The following MAGT1 variants were observed in gnomAD, a reference collection of about 807,000 sequenced individuals.
The protein encoded by MAGT1 is dolichyl-diphosphooligosaccharide--protein glycosyltransferase subunit MAGT1.
Under a neutral mutation model 28.4 loss-of-function variants are expected in MAGT1, and 4 were observed. The ratio of observed to expected loss-of-function variants is 0.14; its 90% CI spans 0.07 to 0.32. MAGT1 has a LOEUF of 0.32. MAGT1 is among the 10% of genes least tolerant of loss of function. The probability of loss-of-function intolerance (pLI) is 1.00; values close to 1 mark genes in which losing one functional copy is unlikely to be tolerated. For synonymous variants in MAGT1, 89 were observed against 89.7 expected (o/e 0.99, Z 0.04); for missense variants, 193 against 264.5 (o/e 0.73, Z 1.88).
At chrX:77,830,966 TCTTTTTTTA>T (rs2076896199) in intron 8 of MAGT1, 71 bp from the exon 9 acceptor site, 1 of 329,092 alleles carries the variant, frequency 3.0e-6, no homozygotes, top group Admixed American at 5.7e-5. Context: ...GTCTATACTT[TCTTTTTTTA>T]TTTTATTTTA....
chrX:77,829,901 A>G (rs782607886), intron 9 of MAGT1, among the ~76,000 whole-genome samples: 2 of 112,832 alleles, frequency 1.8e-5, no homozygotes, highest in Admixed American at 9.4e-5. Context: ...ATGTATTTCT[A>G]GAATACATAT....
chrX:77,895,440 CTT>C (rs782474570), upstream of MAGT1: 251 of 1,204,130 alleles, frequency 2.1e-4, no homozygotes, highest in Non-Finnish European at 2.3e-4. Context: ...ATAAGTGAAA[CTT>C]TGCTCCGGCT....
At chrX:77,846,513 T>G (rs2076951976) in intron 7 of MAGT1, among the ~76,000 whole-genome samples, 1 of 112,074 alleles carries the variant, frequency 8.9e-6, no homozygotes, top group African/African-American at 3.2e-5. Context: ...GGCACTCTGA[T>G]TTTTAGAATT....
chrX:77,866,113 C>T (rs868918941), intron 3 of MAGT1, among the ~76,000 whole-genome samples: 1 of 63,819 alleles, frequency 1.6e-5, no homozygotes, highest in African/African-American at 3.6e-5. Context: ...ATCACGCCAC[C>T]GCACTCCAGC....
At chrX:77,839,510 A>T (rs868910588) in intron 8 of MAGT1, among the ~76,000 whole-genome samples, 2 of 80,365 alleles carry the variant, frequency 2.5e-5, no homozygotes, top group Non-Finnish European at 4.8e-5. Flanking sequence ...CGCCTGGCTA[A>T]TTTTTTTTTT....
At chrX:77,830,747 A>T in intron 9 of MAGT1, 58 bp downstream of exon 9, 1 of 620,371 alleles carries the variant, frequency 1.6e-6, no homozygotes, top group Non-Finnish European at 2.5e-6. Flanking sequence ...AAGCAATATC[A>T]ACTCTAATCA....
intron 8 of MAGT1, among the ~76,000 whole-genome samples, chrX:77,835,278 T>C (rs1440895065): frequency 9.0e-6 from 1 of 110,847 alleles, no homozygotes; most frequent in African/African-American, 3.3e-5. Context: ...TCAATAGACG[T>C]TTCTCAAAAG....
chrX:77,846,947 C>T (rs982750300), intron 7 of MAGT1, among the ~76,000 whole-genome samples: 28 of 112,040 alleles, frequency 2.5e-4, no homozygotes, highest in African/African-American at 8.7e-4. Context: ...AGAACCACTA[C>T]TCTCTTCAAA....
intron 7 of MAGT1, among the ~76,000 whole-genome samples, chrX:77,851,381 GT>G (rs1322775716): frequency 5.2e-5 from 5 of 96,232 alleles, no homozygotes; most frequent in African/African-American, 1.1e-4. Flanking sequence ...ATGCCTGGCT[GT>G]TTTTTTTTTG....
At chrX:77,831,603 T>A (rs1264463800) in intron 8 of MAGT1, among the ~76,000 whole-genome samples, 2 of 108,156 alleles carry the variant, frequency 1.8e-5, no homozygotes, top group Non-Finnish European at 3.8e-5. Flanking sequence ...TCTTTTTTTT[T>A]TTTTTTTGAG....
intron 1 of MAGT1, among the ~76,000 whole-genome samples, chrX:77,877,715 A>G (rs1475484726): frequency 2.8e-5 from 3 of 107,769 alleles, no homozygotes; most frequent in Non-Finnish European, 5.7e-5. Flanking sequence ...CGGGAGGCTG[A>G]GGCAGGAGAA....
At chrX:77,886,823 T>C (rs1321822327) in intron 1 of MAGT1, among the ~76,000 whole-genome samples, 3 of 111,761 alleles carry the variant, frequency 2.7e-5, no homozygotes, top group Admixed American at 1.9e-4. Flanking sequence ...CTGATTCTTA[T>C]GGGTTAGGAC....
chrX:77,893,449 A>C (rs781964878), intron 1 of MAGT1, among the ~76,000 whole-genome samples: 1 of 112,002 alleles, frequency 8.9e-6, no homozygotes, highest in South Asian at 3.7e-4. Flanking sequence ...ACCATTTTAA[A>C]GTATACAATT....
At chrX:77,892,813 A>AAT (rs2077087184) in intron 1 of MAGT1, among the ~76,000 whole-genome samples, 1 of 111,064 alleles carries the variant, frequency 9.0e-6, no homozygotes, top group Non-Finnish European at 1.9e-5. Context: ...AATTTTTTTA[A>AAT]ATATATATAT....
chrX:77,855,510 C>G lies in MAGT1; in HGVS notation c.753G>C (p.Thr251=). Residue 251 remains threonine, a synonymous_variant, in exon 6 of 10, where the codon ACG becomes ACC. Coordinates refer to ENST00000618282, the MANE Select transcript of MAGT1 (RefSeq NM_001367916.1). The part of the protein sequence containing the change: ...GPPYAHKNPH[T]GHVNYIHGSS... ...CCCAGACTTCCCTTACCACATGTCC[C>G]GTGTGGGGATTCTTATGGGCATATG... The G allele has an allele frequency of 8.3e-7, 1 of 1,199,737 alleles. No homozygotes were observed. Among genetic ancestry groups the G allele is most frequent in the Non-Finnish European group, 1.1e-6 (1 of 885,204 alleles).
At chrX:77,886,580 C>A (rs1215111859) in intron 1 of MAGT1, among the ~76,000 whole-genome samples, 1 of 110,794 alleles carries the variant, frequency 9.0e-6, no homozygotes, top group Non-Finnish European at 1.9e-5. Flanking sequence ...AAATTTGAGG[C>A]TGTAGTGCAC....
intron 1 of MAGT1, among the ~76,000 whole-genome samples, chrX:77,886,951 C>T (rs1205109832): frequency 8.9e-6 from 1 of 112,022 alleles, no homozygotes; most frequent in African/African-American, 3.2e-5. Flanking sequence ...ACCCGTGATC[C>T]TCCTGGAACG....
At chrX:77,830,963 CTTTCTTTTT>C in intron 8 of MAGT1, 68 bp from the exon 9 acceptor site, 2 of 363,478 alleles carry the variant, frequency 5.5e-6, no homozygotes, top group Non-Finnish European at 4.5e-6. Context: ...GCAGTCTATA[CTTTCTTTTT>C]TTATTTTATT....
At position 77,856,849 on chromosome X, in the gene MAGT1, A is replaced by C; in HGVS notation, c.556T>G (p.Tyr186Asp). Residue 186 changes from tyrosine to aspartate, a missense_variant, in exon 5 of 10, where the codon TAT becomes GAT. Physicochemically the swap from Tyr to Asp is radical, Grantham distance 160 (BLOSUM62 -3). Transcript: ENST00000618282. Reference protein sequence around the residue: ...VNIRVIRPPNYAGPLMLGLLL... With the variant: ...VNIRVIRPPNDAGPLMLGLLL... ...AATCCCAACATAAGGGGACCAGCAT[A>C]ATTTGGGGGTCTAATCACTCTAATC... The C allele has an allele frequency of 8.3e-7, 1 of 1,208,489 alleles. No homozygotes were observed. The highest frequency in any genetic ancestry group is 1.1e-6 in the Non-Finnish European group (1 of 892,903).
Sources: allele counts gnomAD v4.1 joint callset (sites outside exome capture counted in the v4.1 genomes callset), GRCh38; gene constraint gnomAD v4.1.1; transcripts MANE v1.5; gene names NCBI Gene and HGNC (gene_info 2026-07-23, HGNC 2026-07-21).